Variants in MAP3K20 observed in about 807,000 individuals in gnomAD.
The protein encoded by MAP3K20 is HCCS-4.
Under a neutral mutation model 85.7 loss-of-function variants are expected in MAP3K20, and 40 were observed. The ratio of observed to expected loss-of-function variants is 0.47; its 90% CI spans 0.36 to 0.61. The LOEUF is 0.61. Ranked by LOEUF, MAP3K20 falls within the 20% of genes least tolerant of loss-of-function variation. The pLI is 0.00. For missense variants in MAP3K20, 817 were observed against 961.7 expected, an observed-to-expected ratio of 0.85 and a Z score of 1.99; for synonymous variants, 325 against 327.7, an observed-to-expected ratio of 0.99 and a Z score of 0.09.
intron 5 of MAP3K20, among the ~76,000 whole-genome samples, chr2:173,190,118 A>G (rs1012096760): frequency 6.6e-6 from 1 of 152,092 alleles, no homozygotes; most frequent in East Asian, 1.9e-4. Context: ...GTTTTTGCAT[A>G]GGCTCTCTCT....
intron 2 of MAP3K20, among the ~76,000 whole-genome samples, chr2:173,116,325 A>G (rs1399718031): frequency 2.0e-5 from 3 of 152,210 alleles, no homozygotes; most frequent in Admixed American, 6.5e-5. Context: ...AGTATACAAT[A>G]TATTGTTACA....
chr2:173,127,641 A>G (rs997476273), intron 2 of MAP3K20, among the ~76,000 whole-genome samples: 2 of 152,194 alleles, frequency 1.3e-5, no homozygotes, highest in Admixed American at 6.5e-5. Flanking sequence ...CTAATTCTCA[A>G]GTGAGATGGG....
chr2:173,197,991 AC>A (rs1252741725), intron 7 of MAP3K20, 34 bp from the exon 8 acceptor site: 2 of 1,588,440 alleles, frequency 1.3e-6, no homozygotes, highest in Non-Finnish European at 8.6e-7. Context: ...AATATAAAGT[AC>A]AAAAATAAAA....
chr2:173,123,778 A>AT (rs35552132), intron 2 of MAP3K20, among the ~76,000 whole-genome samples: 41,543 of 149,454 alleles, frequency 0.28, 6,897 homozygotes, highest in Non-Finnish European at 0.38. Flanking sequence ...CACCCAGTAC[A>AT]TTTTTTTTTT....
intron 11 of MAP3K20, among the ~76,000 whole-genome samples, chr2:173,218,866 A>G (rs74830894): frequency 0.023 from 3,504 of 152,310 alleles, 66 homozygotes; most frequent in Admixed American, 0.042. Context: ...GTGCTCTACA[A>G]TAAGGCTCTG....
intron 4 of MAP3K20, among the ~76,000 whole-genome samples, chr2:173,185,335 A>G (rs1325200969): frequency 6.6e-6 from 1 of 152,174 alleles, no homozygotes; most frequent in African/African-American, 2.4e-5. Flanking sequence ...CTGTCTGGCT[A>G]ATGTGTTTGA....
chr2:173,204,553 T>G lies in MAP3K20; in HGVS notation c.744+683T>G, dbSNP rs532259966. On this transcript the variant is annotated intron_variant, in intron 9 of 19. Coordinates refer to ENST00000375213, the MANE Select transcript of MAP3K20 (RefSeq NM_016653.3). ...TTAGGCTTTCATGTGGTTATCACAT[T>G]TGAGCATGAATGGCCCATATCCTTT... 9.8e-5 allele frequency among the ~76,000 whole-genome samples: 15 copies of G among 152,354 alleles called. No individual in the cohort carries two copies. The East Asian group carries it at 2.9e-3, about 29-fold the overall frequency.
At chr2:173,088,658 TAAC>T (rs2106144613) in intron 1 of MAP3K20, among the ~76,000 whole-genome samples, 1 of 152,312 alleles carries the variant, frequency 6.6e-6, no homozygotes. Context: ...TAAAAATAAT[TAAC>T]AAAAATGTAA....
chr2:173,255,485 T>C lies in MAP3K20; in HGVS notation c.1360-3214T>C, dbSNP rs113330122. 4.3e-4 allele frequency among the ~76,000 whole-genome samples: 66 copies of C among 152,314 alleles called. 1 individual carries two copies. Among genetic ancestry groups the C allele is most frequent in the Middle Eastern group, 6.8e-3 (2 of 294 alleles). On this transcript the variant is annotated intron_variant, in intron 16 of 19. Transcript: ENST00000375213. ...TTTTCTCATTCGTCTAAAGGGAAAATAGTCCTGACTTTCAGGGTTCTGATG... is the reference window on the plus strand; with the variant it reads ...TTTTCTCATTCGTCTAAAGGGAAAACAGTCCTGACTTTCAGGGTTCTGATG...
chr2:173,156,781 A>T (rs1689485700), intron 2 of MAP3K20, among the ~76,000 whole-genome samples: 1 of 152,214 alleles, frequency 6.6e-6, no homozygotes, highest in African/African-American at 2.4e-5. Context: ...GGTCATAAGG[A>T]GCTAAAGTAG....
chr2:173,180,628 A>G (rs1007356963), intron 3 of MAP3K20, among the ~76,000 whole-genome samples: 38 of 152,244 alleles, frequency 2.5e-4, no homozygotes, highest in Non-Finnish European at 4.0e-4. Flanking sequence ...GGGAGCCAAG[A>G]GTGTGCCACT....
chr2:173,140,398 G>T (rs1574050091), intron 2 of MAP3K20, among the ~76,000 whole-genome samples: 2 of 151,754 alleles, frequency 1.3e-5, no homozygotes, highest in East Asian at 3.9e-4. Flanking sequence ...GTCCAGGCTG[G>T]TATGCAGGGG....
chr2:173,194,478 G>A (rs1293924683), intron 7 of MAP3K20, among the ~76,000 whole-genome samples: 1 of 152,088 alleles, frequency 6.6e-6, no homozygotes, highest in Non-Finnish European at 1.5e-5. Flanking sequence ...CAAAGTAGAT[G>A]TTATAGAAAA....
chr2:173,154,240 G>T (rs144214799), intron 2 of MAP3K20, among the ~76,000 whole-genome samples: 2 of 152,304 alleles, frequency 1.3e-5, no homozygotes, highest in African/African-American at 4.8e-5. Context: ...CTGAAGTGCA[G>T]TGGCATGATC....
At chr2:173,150,137 A>G (rs1377417812) in intron 2 of MAP3K20, among the ~76,000 whole-genome samples, 1 of 152,240 alleles carries the variant, frequency 6.6e-6, no homozygotes, top group Admixed American at 6.5e-5. Context: ...GGTGATTGTG[A>G]GTCTAAAGAT....
chr2:173,156,939 A>C (rs993675113), intron 2 of MAP3K20, among the ~76,000 whole-genome samples: 4 of 152,140 alleles, frequency 2.6e-5, no homozygotes, highest in Admixed American at 2.6e-4. Flanking sequence ...GAATCTATGG[A>C]CACCTGGAAT....
chr2:173,221,757 G>A, intron 11 of MAP3K20: 1 of 1,231,288 alleles, frequency 8.1e-7, no homozygotes, highest in South Asian at 3.2e-5. Context: ...ATCAGCAAAT[G>A]TGGTGCCTGA....
chr2:173,224,971 C>T, intron 11 of MAP3K20: 3 of 877,068 alleles, frequency 3.4e-6, no homozygotes, highest in Non-Finnish European at 3.9e-6. Flanking sequence ...CAAAAATGTA[C>T]ATTTAGAGGT....
At chr2:173,245,536 T>G (rs978649412) in intron 16 of MAP3K20, among the ~76,000 whole-genome samples, 2 of 152,228 alleles carry the variant, frequency 1.3e-5, no homozygotes, top group Non-Finnish European at 1.5e-5. Context: ...GAAAACATCA[T>G]GATTAGACCA....
Sources: allele counts gnomAD v4.1 joint callset (sites outside exome capture counted in the v4.1 genomes callset), GRCh38; gene constraint gnomAD v4.1.1; transcripts MANE v1.5; gene names NCBI Gene and HGNC (gene_info 2026-07-23, HGNC 2026-07-21).